Variants in STK3 observed in about 807,000 individuals in gnomAD.
The protein encoded by STK3 is serine/threonine kinase 3.
STK3 carries 41 observed loss-of-function variants against 58.0 expected under a neutral mutation model. The ratio of observed to expected loss-of-function variants is 0.71; its 90% CI spans 0.55 to 0.92. The LOEUF (loss-of-function observed/expected upper bound fraction) is 0.92, where lower values mean the gene tolerates loss of function less well. Ranked by LOEUF, STK3 falls within the 40% of genes least tolerant of loss-of-function variation. STK3 has a pLI of 0.00. For missense variants in STK3, 479 were observed against 602.7 expected (o/e 0.79, Z 2.15); for synonymous variants, 170 against 191.0 (o/e 0.89, Z 0.91).
chr8:98,508,391 A>G (rs181508053), intron 10 of STK3, among the ~76,000 whole-genome samples: 23 of 152,294 alleles, frequency 1.5e-4, no homozygotes, highest in Admixed American at 1.2e-3. Context: ...GTATGATTCT[A>G]CTTACACAAA....
intron 1 of STK3, among the ~76,000 whole-genome samples, chr8:98,776,787 C>T (rs936689653): frequency 6.6e-6 from 1 of 151,392 alleles, no homozygotes; most frequent in African/African-American, 2.4e-5. Flanking sequence ...AGCGGTGGCT[C>T]ACGCCTGTAA....
At chr8:98,695,542 T>C (rs1469234755) in intron 6 of STK3, among the ~76,000 whole-genome samples, 2 of 152,250 alleles carry the variant, frequency 1.3e-5, no homozygotes, top group East Asian at 3.8e-4. Flanking sequence ...AAGGAAGGGA[T>C]ACAGTTTCAG....
chr8:98,368,521 A>G (rs886168759), downstream of STK3, among the ~76,000 whole-genome samples: 3 of 152,164 alleles, frequency 2.0e-5, no homozygotes, highest in African/African-American at 7.2e-5. Context: ...GTTCCCACAC[A>G]AACCCCTAAC....
At chr8:98,818,112 T>C (rs1357924072) in intron 1 of STK3, among the ~76,000 whole-genome samples, 1 of 152,220 alleles carries the variant, frequency 6.6e-6, no homozygotes, top group East Asian at 1.9e-4. Context: ...TGGAATACTT[T>C]TCCCTTGCTA....
intron 3 of STK3, chr8:98,430,765 A>C (rs542016583): frequency 1.9e-4 from 32 of 167,224 alleles, no homozygotes; most frequent in African/African-American, 7.7e-4. Context: ...GAAAGGAAAG[A>C]GTTGTAAAAT....
At chr8:98,746,386 T>C (rs959433474) in intron 4 of STK3, among the ~76,000 whole-genome samples, 4 of 152,088 alleles carry the variant, frequency 2.6e-5, no homozygotes, top group Non-Finnish European at 5.9e-5. Context: ...CAGACAGAAT[T>C]AGACTATAAT....
intron 8 of STK3, among the ~76,000 whole-genome samples, chr8:98,570,131 C>G (rs1047542451): frequency 2.0e-5 from 3 of 146,830 alleles, no homozygotes; most frequent in African/African-American, 7.5e-5. Context: ...TCTTTTTAGA[C>G]AGAGAGAGAG....
intron 6 of STK3, chr8:98,606,112 C>G (rs1816755984): frequency 6.6e-6 from 1 of 152,306 alleles, no homozygotes; most frequent in Non-Finnish European, 1.5e-5. Flanking sequence ...CCTGTAATCC[C>G]AGCTACTTGG....
At chr8:98,640,439 A>G (rs2130602532) in intron 6 of STK3, among the ~76,000 whole-genome samples, 1 of 152,304 alleles carries the variant, frequency 6.6e-6, no homozygotes, top group African/African-American at 2.4e-5. Context: ...TCTGTAATCT[A>G]GTGGAAAAAT....
chr8:98,549,652 A>C (rs1032942751), intron 8 of STK3, among the ~76,000 whole-genome samples: 1 of 152,164 alleles, frequency 6.6e-6, no homozygotes, highest in Non-Finnish European at 1.5e-5. Flanking sequence ...AGAAGAATCA[A>C]GTCAGTAATA....
chr8:98,609,617 G>A (rs1392530136), intron 6 of STK3, among the ~76,000 whole-genome samples: 6 of 152,130 alleles, frequency 3.9e-5, no homozygotes, highest in Admixed American at 2.0e-4. Context: ...AAATAAAGCT[G>A]ATGAACTAAT....
chr8:98,795,773 C>A (rs776088549), intron 1 of STK3, among the ~76,000 whole-genome samples: 2 of 151,678 alleles, frequency 1.3e-5, no homozygotes, highest in Non-Finnish European at 2.9e-5. Flanking sequence ...GTCAAGAACA[C>A]GATCCCATTT....
intron 3 of STK3, among the ~76,000 whole-genome samples, chr8:98,844,410 G>A (rs1218639748): frequency 6.6e-6 from 1 of 152,168 alleles, no homozygotes; most frequent in Non-Finnish European, 1.5e-5. Context: ...AAATAGAAGA[G>A]AACACAGCCT....
downstream of STK3, among the ~76,000 whole-genome samples, chr8:98,453,375 C>G (rs1024481682): frequency 2.0e-5 from 3 of 152,164 alleles, no homozygotes; most frequent in Non-Finnish European, 4.4e-5. Context: ...GTGTGAGCCA[C>G]TGCACCCAGG....
intron 10 of STK3, among the ~76,000 whole-genome samples, chr8:98,466,610 G>C (rs1563630855): frequency 1.3e-5 from 2 of 152,150 alleles, no homozygotes; most frequent in Admixed American, 6.5e-5. Flanking sequence ...GAGCAGGAAG[G>C]AGACCGGATG....
At chr8:98,452,670 A>G (rs377141247), downstream of STK3, among the ~76,000 whole-genome samples, 2 of 152,200 alleles carry the variant, frequency 1.3e-5, no homozygotes, top group African/African-American at 4.8e-5. Context: ...CCAGGTTAAA[A>G]TAGGTTTCTT....
chr8:98,879,317 T>C (rs919294977), downstream of STK3: 4 of 152,204 alleles, frequency 2.6e-5, no homozygotes, highest in Non-Finnish European at 5.9e-5. Flanking sequence ...ACTTTTTTTC[T>C]GAATATTTTT....
chr8:98,484,691 T>C (rs1056724048), intron 10 of STK3, among the ~76,000 whole-genome samples: 16 of 152,124 alleles, frequency 1.1e-4, no homozygotes, highest in African/African-American at 3.9e-4. Flanking sequence ...AAGAAAACAC[T>C]GGAACTAGAT....
At chr8:98,625,273 C>A (rs1396306714) in intron 6 of STK3, among the ~76,000 whole-genome samples, 1 of 152,140 alleles carries the variant, frequency 6.6e-6, no homozygotes, top group Non-Finnish European at 1.5e-5. Context: ...TTCCACTGTA[C>A]CCTCTCTCCG....
Sources: allele counts gnomAD v4.1 joint callset (sites outside exome capture counted in the v4.1 genomes callset), GRCh38; gene constraint gnomAD v4.1.1; transcripts MANE v1.5; gene names NCBI Gene and HGNC (gene_info 2026-07-23, HGNC 2026-07-21).